The following MAGI1 variants were observed in gnomAD, a reference collection of about 807,000 sequenced individuals.
MAGI1 encodes membrane associated guanylate kinase, WW and PDZ domain containing 1.
A neutral mutation model predicts 139.9 loss-of-function variants in MAGI1; 58 were observed. That is an observed-to-expected ratio of 0.41 (90% CI 0.34 to 0.52). The LOEUF (loss-of-function observed/expected upper bound fraction) is 0.52, where lower values mean the gene tolerates loss of function less well. Among genes scored for constraint, MAGI1 ranks in the 20% least tolerant of loss-of-function variants. MAGI1 has a pLI of 0.12. For synonymous variants in MAGI1, 812 were observed against 737.9 expected (o/e 1.10, Z -1.63); for missense variants, 1,874 against 1,901.6 (o/e 0.99, Z 0.27).
intron 1 of MAGI1, among the ~76,000 whole-genome samples, chr3:65,903,945 T>C (rs1160672996): frequency 1.3e-5 from 2 of 151,748 alleles, no homozygotes; most frequent in East Asian, 3.9e-4. Flanking sequence ...AAGGTGGAGG[T>C]TGCAGTGAGC....
At chr3:65,642,607 G>A (rs2085044681) in intron 1 of MAGI1, among the ~76,000 whole-genome samples, 1 of 152,118 alleles carries the variant, frequency 6.6e-6, no homozygotes, top group South Asian at 2.1e-4. Context: ...CATCTCAAAA[G>A]TTCAAGCAAA....
chr3:65,415,959 G>T (rs962045096), intron 12 of MAGI1, among the ~76,000 whole-genome samples: 2 of 152,088 alleles, frequency 1.3e-5, no homozygotes, highest in African/African-American at 4.8e-5. Flanking sequence ...ATTAATTCAT[G>T]GGCAGTGCTG....
intron 5 of MAGI1, among the ~76,000 whole-genome samples, chr3:65,457,757 G>A (rs1371067173): frequency 6.6e-6 from 1 of 152,090 alleles, no homozygotes; most frequent in Non-Finnish European, 1.5e-5. Flanking sequence ...CAGGGTAAAT[G>A]AAGTGACCAT....
intron 1 of MAGI1, among the ~76,000 whole-genome samples, chr3:65,642,395 C>T (rs1032301066): frequency 1.5e-4 from 23 of 152,128 alleles, no homozygotes; most frequent in Admixed American, 7.2e-4. Context: ...ACCTTCTATC[C>T]GGAAGACTCG....
intron 1 of MAGI1, among the ~76,000 whole-genome samples, chr3:65,770,424 G>A (rs1389022719): frequency 6.6e-6 from 1 of 152,180 alleles, no homozygotes; most frequent in Non-Finnish European, 1.5e-5. Flanking sequence ...CGTGCAGGAA[G>A]AAACTGACAC....
intron 1 of MAGI1, among the ~76,000 whole-genome samples, chr3:65,751,988 G>A (rs1449212675): frequency 2.6e-5 from 4 of 152,090 alleles, no homozygotes; most frequent in African/African-American, 7.2e-5. Flanking sequence ...TGGCACCCAC[G>A]CTGGAGTGCA....
intron 1 of MAGI1, among the ~76,000 whole-genome samples, chr3:65,812,857 G>A (rs1164963606): frequency 6.6e-6 from 1 of 151,384 alleles, no homozygotes; most frequent in Non-Finnish European, 1.5e-5. Flanking sequence ...CTACAGGCAT[G>A]CACCACCACA....
At chr3:65,842,337 T>C (rs1299954340) in intron 1 of MAGI1, among the ~76,000 whole-genome samples, 2 of 151,110 alleles carry the variant, frequency 1.3e-5, no homozygotes, top group African/African-American at 4.9e-5. Context: ...ATGTTCCATA[T>C]CCCCTGAAAT....
intron 1 of MAGI1, among the ~76,000 whole-genome samples, chr3:65,830,190 G>A (rs1316787971): frequency 6.6e-6 from 1 of 152,114 alleles, no homozygotes; most frequent in East Asian, 1.9e-4. Flanking sequence ...TGTGTCAGAG[G>A]AAACATCTGT....
At chr3:65,475,213 T>A (rs996843878) in intron 4 of MAGI1, among the ~76,000 whole-genome samples, 3 of 152,114 alleles carry the variant, frequency 2.0e-5, no homozygotes, top group African/African-American at 7.2e-5. Flanking sequence ...ACACATTTTC[T>A]TTCTTCTTTC....
intron 1 of MAGI1, among the ~76,000 whole-genome samples, chr3:65,810,561 C>T (rs187905612): frequency 2.3e-4 from 35 of 152,332 alleles, no homozygotes; most frequent in African/African-American, 8.4e-4. Context: ...TGGAGAGAAT[C>T]GAATGAACTG....
intron 2 of MAGI1, among the ~76,000 whole-genome samples, chr3:65,565,378 G>A (rs2080565864): frequency 1.3e-5 from 2 of 152,022 alleles, no homozygotes; most frequent in East Asian, 1.9e-4. Flanking sequence ...GACCATTCAT[G>A]GCCAGAAAAT....
chr3:65,887,600 C>G (rs2060585104), intron 1 of MAGI1, among the ~76,000 whole-genome samples: 1 of 151,860 alleles, frequency 6.6e-6, no homozygotes, highest in Non-Finnish European at 1.5e-5. Flanking sequence ...TAGACAGAGA[C>G]AGTAAACATA....
chr3:65,906,722 C>T (rs2061448255), intron 1 of MAGI1, among the ~76,000 whole-genome samples: 1 of 151,804 alleles, frequency 6.6e-6, no homozygotes, highest in Admixed American at 6.6e-5. Context: ...CCCATCTCTA[C>T]TAAAAATACA....
chr3:65,918,754 G>A (rs1366758872), intron 1 of MAGI1, among the ~76,000 whole-genome samples: 1 of 152,054 alleles, frequency 6.6e-6, no homozygotes, highest in Admixed American at 6.6e-5. Context: ...GACTACGCAG[G>A]TCAGCTTAAA....
intron 1 of MAGI1, among the ~76,000 whole-genome samples, chr3:66,024,460 G>A (rs941418450): frequency 2.0e-5 from 3 of 151,226 alleles, no homozygotes; most frequent in Admixed American, 1.3e-4. Flanking sequence ...AACAGAATAA[G>A]CCCTTCCAGG....
At chr3:65,652,438 T>C (rs571479996) in intron 1 of MAGI1, among the ~76,000 whole-genome samples, 2 of 152,304 alleles carry the variant, frequency 1.3e-5, no homozygotes, top group South Asian at 4.1e-4. Flanking sequence ...ATGTAGGATA[T>C]GTTAGCGGCA....
At chr3:66,017,276 C>A (rs964619503) in intron 1 of MAGI1, among the ~76,000 whole-genome samples, 1 of 152,234 alleles carries the variant, frequency 6.6e-6, no homozygotes, top group African/African-American at 2.4e-5. Context: ...TCTCAACACG[C>A]GCAGGGCGCG....
At chr3:65,998,888 A>G (rs2066596778) in intron 1 of MAGI1, among the ~76,000 whole-genome samples, 1 of 151,992 alleles carries the variant, frequency 6.6e-6, no homozygotes, top group Non-Finnish European at 1.5e-5. Flanking sequence ...ATTACTTGAA[A>G]CATTTAATGG....
Sources: gnomAD v4.1 joint callset for allele counts (sites outside exome capture counted in the v4.1 genomes callset) on GRCh38, gnomAD v4.1.1 for gene constraint, MANE v1.5 for transcripts, NCBI Gene and HGNC (gene_info 2026-07-23, HGNC 2026-07-21) for gene names.